Variants in FGF7 observed in about 807,000 individuals in gnomAD.
The protein encoded by FGF7 is FGF-7.
In FGF7, 6 loss-of-function variants were observed where a neutral mutation model predicts 20.5. The ratio of observed to expected loss-of-function variants is 0.29; its 90% CI spans 0.16 to 0.58. The LOEUF is 0.58. FGF7 is among the 20% of genes least tolerant of loss of function. The pLI is 0.90. For synonymous variants in FGF7, 64 were observed against 74.7 expected (o/e 0.86, Z 0.74); for missense variants, 144 against 228.8 (o/e 0.63, Z 2.39).
chr15:49,449,608 C>T (rs1450657972), intron 2 of FGF7, among the ~76,000 whole-genome samples: 3 of 151,974 alleles, frequency 2.0e-5, no homozygotes, highest in Non-Finnish European at 4.4e-5. Context: ...GCCAAGGTTG[C>T]CTTCCCATTA....
chr15:49,473,119 T>C, intron 2 of FGF7, among the ~76,000 whole-genome samples: 1 of 152,200 alleles, frequency 6.6e-6, no homozygotes, highest in East Asian at 1.9e-4. Flanking sequence ...AAAAACATTT[T>C]TGTATTTTTT....
At chr15:49,435,312 G>A (rs1480646570) in intron 2 of FGF7, among the ~76,000 whole-genome samples, 1 of 151,424 alleles carries the variant, frequency 6.6e-6, no homozygotes, top group African/African-American at 2.4e-5. Flanking sequence ...TGAGTCATAT[G>A]TTTGGCATGT....
chr15:49,478,446 G>A (rs1314907575), intron 2 of FGF7, among the ~76,000 whole-genome samples: 1 of 151,648 alleles, frequency 6.6e-6, no homozygotes, highest in African/African-American at 2.4e-5. Flanking sequence ...TAAAATGAAT[G>A]GAATCTATAG....
intron 2 of FGF7, among the ~76,000 whole-genome samples, chr15:49,473,170 T>C (rs1357955656): frequency 3.9e-5 from 6 of 152,172 alleles, no homozygotes; most frequent in African/African-American, 1.4e-4. Flanking sequence ...CACAAACATA[T>C]CAAATATGAA....
chr15:49,473,789 T>G (rs2055003366), intron 2 of FGF7, among the ~76,000 whole-genome samples: 1 of 152,270 alleles, frequency 6.6e-6, no homozygotes, highest in African/African-American at 2.4e-5. Context: ...TCATCTTTGA[T>G]GTTATAACAT....
rs570386197 is a variant in FGF7, at chr15:49,456,761, T to C, written c.287-26390T>C. Among the ~76,000 whole-genome samples the C allele has an allele frequency of 9.1e-4, 138 of 152,146 alleles. 5 individuals are homozygous for C. The South Asian group carries it at 0.027, about 30-fold the overall frequency. On this transcript the variant is annotated intron_variant, in intron 2 of 3. Coordinates refer to ENST00000267843, the MANE Select transcript of FGF7 (RefSeq NM_002009.4). ...GGAACTTGAGTCTCACTTTGAAAGA[T>C]GAACAGGGTATTGACAGGTGATGGG...
At chr15:49,452,490 AGAG>A (rs2052850623) in intron 2 of FGF7, among the ~76,000 whole-genome samples, 1 of 152,212 alleles carries the variant, frequency 6.6e-6, no homozygotes, top group Non-Finnish European at 1.5e-5. Context: ...AAAAGCTGCC[AGAG>A]AAACTGGATG....
rs542776482 is a variant in FGF7, at chr15:49,487,216, TTTTG to T, written c.*2716_*2719del. 544 of 151,938 alleles carry T rather than the reference TTTTG, an allele frequency of 3.6e-3. 2 individuals are homozygous for T. The highest frequency in any genetic ancestry group is 5.9e-3 in the Non-Finnish European group (403 of 67,824). 9.4% of individuals were successfully genotyped at this position (151,938 alleles called of 1,614,324 possible). A position where few individuals can be genotyped will look rare whatever the true frequency, so the allele number is the denominator to read the frequency against. On this transcript the variant is annotated 3_prime_UTR_variant, in exon 4 of 4. Coordinates refer to ENST00000267843, the MANE Select transcript of FGF7 (RefSeq NM_002009.4). The stretch of plus-strand genomic sequence containing the variant: ...TTTTCAATTCTGATTCCTATTCACC[TTTTG>T]TTTATGAATGGAAAGCTTTGTGCAA...
At chr15:49,456,285 C>A (rs1325617686) in intron 2 of FGF7, among the ~76,000 whole-genome samples, 7 of 151,902 alleles carry the variant, frequency 4.6e-5, no homozygotes, top group African/African-American at 1.7e-4. Flanking sequence ...TAATAGAATG[C>A]TTTGTGAAAG....
chr15:49,478,070 A>G lies in FGF7; in HGVS notation c.287-5081A>G, dbSNP rs184453848. Reference sequence around the variant, plus strand: ...CTAATGGTTTTTCAACCCTTCCCTCATCTACTCCCCGCCAGTAGTCCCCAG... The same window carrying G: ...CTAATGGTTTTTCAACCCTTCCCTCGTCTACTCCCCGCCAGTAGTCCCCAG... On this transcript the variant is annotated intron_variant, in intron 2 of 3. Transcript: ENST00000267843. 1.1e-3 allele frequency among the ~76,000 whole-genome samples: 163 copies of G among 152,234 alleles called. 1 individual carries two copies. Among genetic ancestry groups the G allele is most frequent in the African/African-American group, 3.9e-3 (162 of 41,540 alleles).
chr15:49,465,476 A>C (rs2054185956), intron 2 of FGF7, among the ~76,000 whole-genome samples: 1 of 152,058 alleles, frequency 6.6e-6, no homozygotes, highest in South Asian at 2.1e-4. Flanking sequence ...AAGATAGATA[A>C]ATAGATATGC....
intron 2 of FGF7, among the ~76,000 whole-genome samples, chr15:49,468,955 A>G (rs1167646168): frequency 1.3e-5 from 2 of 152,154 alleles, no homozygotes; most frequent in Non-Finnish European, 2.9e-5. Context: ...AATAACATGC[A>G]TACATTACTA....
chr15:49,435,302 T>C (rs953382944), intron 2 of FGF7, among the ~76,000 whole-genome samples: 5 of 151,628 alleles, frequency 3.3e-5, no homozygotes, highest in African/African-American at 1.2e-4. Flanking sequence ...AAAATAATTT[T>C]GAGTCATATG....
intron 2 of FGF7, among the ~76,000 whole-genome samples, chr15:49,457,052 A>G (rs79716674): frequency 6.6e-5 from 10 of 152,186 alleles, no homozygotes; most frequent in East Asian, 5.8e-4. Flanking sequence ...AGCCAGTATC[A>G]TTTTTACTAC....
chr15:49,474,196 T>C (rs1253605463), intron 2 of FGF7, among the ~76,000 whole-genome samples: 1 of 152,200 alleles, frequency 6.6e-6, no homozygotes, highest in Non-Finnish European at 1.5e-5. Flanking sequence ...TTAGGCTATC[T>C]ATATCAGCCC....
At chr15:49,482,942 A>G (rs1312419509) in intron 2 of FGF7, among the ~76,000 whole-genome samples, 1 of 152,068 alleles carries the variant, frequency 6.6e-6, no homozygotes. Flanking sequence ...TACAAAATAA[A>G]AAACCATCGG....
chr15:49,440,538 T>C (rs2051540575), intron 2 of FGF7, among the ~76,000 whole-genome samples: 1 of 151,822 alleles, frequency 6.6e-6, no homozygotes. Flanking sequence ...GAACATATTG[T>C]TGTACAGTCA....
intron 2 of FGF7, among the ~76,000 whole-genome samples, chr15:49,436,597 T>C (rs2051127249): frequency 6.6e-6 from 1 of 151,594 alleles, no homozygotes; most frequent in African/African-American, 2.4e-5. Flanking sequence ...TTTATATACA[T>C]TATTTAATTT....
In FGF7 at chr15:49,476,615, T is replaced by C. The variant is rs553588462; in HGVS notation, c.287-6536T>C. The stretch of plus-strand genomic sequence containing the variant: ...TTTTAATAGTAATTAATAAATCACA[T>C]ATGTTCTATATATTTTGGACATAAA... On this transcript the variant is annotated intron_variant, in intron 2 of 3. Coordinates refer to ENST00000267843, the MANE Select transcript of FGF7 (RefSeq NM_002009.4). Among the ~76,000 whole-genome samples, 4 of 151,670 alleles carry C rather than the reference T, an allele frequency of 2.6e-5. No homozygotes were observed. The South Asian group carries it at 8.3e-4, about 32-fold the overall frequency.
Sources: gnomAD v4.1 joint callset for allele counts (sites outside exome capture counted in the v4.1 genomes callset) on GRCh38, gnomAD v4.1.1 for gene constraint, MANE v1.5 for transcripts, NCBI Gene and HGNC (gene_info 2026-07-23, HGNC 2026-07-21) for gene names.